SCRN3: variants seen among roughly 807,000 people sequenced by gnomAD.
SCRN3 encodes the protein secernin-3.
A neutral mutation model predicts 43.1 loss-of-function variants in SCRN3; 39 were observed. That is an observed-to-expected ratio of 0.91 (90% CI 0.70 to 1.18). SCRN3 has a LOEUF of 1.18. Among genes scored for constraint, SCRN3 ranks in the 50% most tolerant of loss-of-function variants. The probability of loss-of-function intolerance (pLI) is 0.00; values close to 1 mark genes in which losing one functional copy is unlikely to be tolerated. For synonymous variants in SCRN3, 147 were observed against 163.1 expected, an observed-to-expected ratio of 0.90 and a Z score of 0.75; for missense variants, 484 against 498.0, an observed-to-expected ratio of 0.97 and a Z score of 0.27.
intron 3 of SCRN3, among the ~76,000 whole-genome samples, chr2:174,400,664 A>G (rs1386934680): frequency 1.3e-5 from 2 of 152,166 alleles, no homozygotes; most frequent in East Asian, 1.9e-4. Flanking sequence ...TACCTAACAT[A>G]CTTTAATCAC....
intron 5 of SCRN3, among the ~76,000 whole-genome samples, chr2:174,419,993 C>T (rs532541513): frequency 3.3e-5 from 5 of 151,914 alleles, no homozygotes; most frequent in East Asian, 1.9e-4. Flanking sequence ...AGAGTAGAGA[C>T]GAAGGGCCTA....
chr2:174,412,797 AGCATACCAAAG>A (rs1259812139), intron 5 of SCRN3, among the ~76,000 whole-genome samples: 3 of 151,028 alleles, frequency 2.0e-5, no homozygotes, highest in Non-Finnish European at 3.0e-5. Context: ...GACCCTAAAC[AGCATACCAAAG>A]CCTTTGAGAA....
In SCRN3 at chr2:174,399,924, T is replaced by C; in HGVS notation, c.162T>C (p.Cys54=). 6.8e-7 allele frequency: 1 copy of C among 1,464,578 alleles called. No homozygotes were observed. Among genetic ancestry groups the C allele is most frequent in the Non-Finnish European group, 9.0e-7 (1 of 1,109,122 alleles). The allele number at this position is 1,464,578 out of a possible 1,614,324, so 90.7% of individuals were successfully genotyped here. ...VHDNLGERLK[C]TYIEIDQVPE... is the part of the protein sequence containing the mutation. ...CTTTTTTTTTTTTTTTTTTACAGTG[T>C]ACATATATAGAAATTGATCAAGTTC... The change falls in exon 3 of 8, where the codon TGT becomes TGC. Residue 54 remains cysteine (C), a splice_region_variant and synonymous_variant. Coordinates refer to ENST00000272732, the MANE Select transcript of SCRN3 (RefSeq NM_024583.5).
chr2:174,424,690 A>G (rs774833139), intron 7 of SCRN3, 41 bp downstream of exon 7: 4 of 1,494,042 alleles, frequency 2.7e-6, no homozygotes, highest in Non-Finnish European at 3.7e-6. Flanking sequence ...TTAAGTGTAA[A>G]GTTAGATTCA....
In SCRN3 at chr2:174,399,917, T is replaced by TTTAA; in HGVS notation, c.160-5_160-4insTTAA. On this transcript the variant is annotated splice_region_variant and splice_polypyrimidine_tract_variant and intron_variant, in intron 2 of 7. Coordinates refer to ENST00000272732, the MANE Select transcript of SCRN3 (RefSeq NM_024583.5). ...GCTATGACTTTTTTTTTTTTTTTTTTACAGTGTACATATATAGAAATTGAT... is the reference window on the plus strand; with the variant it reads ...GCTATGACTTTTTTTTTTTTTTTTTTTTAAACAGTGTACATATATAGAAATTGAT... 1 of 1,279,256 alleles carries TTTAA rather than the reference T, an allele frequency of 7.8e-7. No homozygotes were observed. The highest frequency in any genetic ancestry group is 1.6e-5 in the African/African-American group (1 of 64,130). 79.2% of individuals were successfully genotyped at this position (1,279,256 alleles called of 1,614,324 possible). A position where few individuals can be genotyped will look rare whatever the true frequency, so the allele number is the denominator to read the frequency against.
chr2:174,423,109 T>A (rs1421406631), intron 6 of SCRN3, 62 bp downstream of exon 6: 5 of 1,351,368 alleles, frequency 3.7e-6, no homozygotes, highest in Non-Finnish European at 5.0e-6. Flanking sequence ...GTCATTAGTA[T>A]GTTAATAATT....
Position 174,404,230 on chromosome 2 carries a change from A to C in SCRN3, c.669A>C (p.Ala223=). Residue 223 remains alanine, a synonymous_variant, in exon 5 of 8, where the codon GCA becomes GCC. Transcript: ENST00000272732. The part of the protein sequence containing the change: ...WDGKKEFDFA[A]AYSYLDTAKM... ...GTAAAAAGGAGTTTGATTTTGCTGC[A>C]GCATATTCCTATCTTGACACAGCCA... 6.2e-7 allele frequency: 1 copy of C among 1,613,914 alleles called. No homozygotes were observed. Among genetic ancestry groups the C allele is most frequent in the Non-Finnish European group, 8.5e-7 (1 of 1,179,864 alleles).
chr2:174,425,454 T>G (rs934675322), intron 7 of SCRN3, among the ~76,000 whole-genome samples: 1 of 152,206 alleles, frequency 6.6e-6, no homozygotes, highest in Non-Finnish European at 1.5e-5. Flanking sequence ...TGGTTTTTCT[T>G]GCCTGTAATT....
intron 1 of SCRN3, chr2:174,396,897 T>C (rs952415383): frequency 1.2e-5 from 2 of 160,072 alleles, no homozygotes; most frequent in Non-Finnish European, 2.7e-5. Context: ...CTATGTTCTA[T>C]GCACTGTGCA....
At position 174,399,973 on chromosome 2, in the gene SCRN3, A is replaced by G. The variant is rs1163796669; in HGVS notation, c.211A>G (p.Ser71Gly). ...TCCTGAAACATATGCTGTTGTCCTG[A>G]GTCGCCCAGCGTGGTTGTGGGGGGC... ...QVPETYAVVLSRPAWLWGAEM... is the reference protein window; with the variant it reads ...QVPETYAVVLGRPAWLWGAEM... The change falls in exon 3 of 8, where the codon AGT becomes GGT. Residue 71 changes from serine to glycine, a missense_variant. Transcript: ENST00000272732. 3 of 1,578,564 alleles carry G rather than the reference A, an allele frequency of 1.9e-6. No individual in the cohort carries two copies. Among genetic ancestry groups the G allele is most frequent in the Admixed American group, 3.8e-5 (2 of 53,120 alleles).
At chr2:174,412,503 A>G (rs1288247785) in intron 5 of SCRN3, among the ~76,000 whole-genome samples, 3 of 152,144 alleles carry the variant, frequency 2.0e-5, no homozygotes, top group Admixed American at 2.0e-4. Context: ...TCTCCCATCT[A>G]GAGGAATTGT....
chr2:174,427,468 T>A (rs1686525948), intron 7 of SCRN3, among the ~76,000 whole-genome samples: 1 of 152,206 alleles, frequency 6.6e-6, no homozygotes. Context: ...ACTTATAAAC[T>A]ACTCTTATAA....
Position 174,401,135 on chromosome 2 carries a change from G to A in SCRN3, c.487G>A (p.Glu163Lys). The change falls in exon 4 of 8, where the codon GAA becomes AAA. Residue 163 changes from glutamate (E) to lysine (K), a missense_variant. Coordinates refer to ENST00000272732, the MANE Select transcript of SCRN3 (RefSeq NM_024583.5). Reference protein sequence around the residue: ...HNSFLIADRNEAWILETAGKY... With the variant: ...HNSFLIADRNKAWILETAGKY... ...CAGTTTCCTGATAGCTGATAGGAAT[G>A]AAGCCTGGATTCTGGAGACTGCAGG... is the stretch of plus-strand genomic sequence containing the variant. The A allele has an allele frequency of 1.2e-6, 2 of 1,614,002 alleles. No homozygotes were observed. The highest frequency in any genetic ancestry group is 1.7e-6 in the Non-Finnish European group (2 of 1,179,922).
chr2:174,414,886 C>T (rs562534609), intron 5 of SCRN3, among the ~76,000 whole-genome samples: 1 of 151,812 alleles, frequency 6.6e-6, no homozygotes, highest in South Asian at 2.1e-4. Context: ...GCCTCAGCCT[C>T]CCAAGTAGCT....
At chr2:174,395,977 C>T in intron 1 of SCRN3, 160 bp downstream of exon 1, 1 of 1,384,014 alleles carries the variant, frequency 7.2e-7, no homozygotes, top group South Asian at 1.8e-5. Context: ...CCGCGGCGGC[C>T]CTTCGACCAA....
intron 7 of SCRN3, among the ~76,000 whole-genome samples, chr2:174,425,638 A>C (rs1003424222): frequency 6.6e-6 from 1 of 151,992 alleles, no homozygotes; most frequent in Non-Finnish European, 1.5e-5. Context: ...GCTCTGCCAG[A>C]CTTCTTATTT....
intron 5 of SCRN3, among the ~76,000 whole-genome samples, chr2:174,405,326 T>C (rs1392531564): frequency 8.4e-6 from 1 of 118,900 alleles, no homozygotes; most frequent in Non-Finnish European, 1.8e-5. Flanking sequence ...CTTGTACATT[T>C]GTTTGAGTTC....
rs903526052 is a variant in SCRN3 at position 174,401,101 on chromosome 2, C to G, written c.453C>G (p.Ser151Arg). ...GNCTEGRMVF[S>R]YHNSFLIADR... ...GCACAGAGGGTAGAATGGTATTTAG[C>G]TATCACAACAGTTTCCTGATAGCTG... The change falls in exon 4 of 8, where the codon AGC (serine) becomes AGG (arginine). Residue 151 changes from serine to arginine, a missense_variant. Ser to Arg is a moderately radical substitution (Grantham distance 110, BLOSUM62 -1). Coordinates refer to ENST00000272732, the MANE Select transcript of SCRN3 (RefSeq NM_024583.5). The G allele has an allele frequency of 6.2e-7, 1 of 1,613,878 alleles. No homozygotes were observed.
chr2:174,404,440 A>G (rs915250521), intron 5 of SCRN3, 125 bp downstream of exon 5: 1 of 631,720 alleles, frequency 1.6e-6, no homozygotes, highest in African/African-American at 1.9e-5. Flanking sequence ...TAAAATGAAA[A>G]ATATTTATTA....
Sources: gnomAD v4.1 joint callset for allele counts (sites outside exome capture counted in the v4.1 genomes callset) on GRCh38, gnomAD v4.1.1 for gene constraint, MANE v1.5 for transcripts, NCBI Gene and HGNC (gene_info 2026-07-23, HGNC 2026-07-21) for gene names.